Variants in FRMPD4 observed in about 807,000 individuals in gnomAD.
FRMPD4 encodes FERM and PDZ domain-containing protein 4.
Under a neutral mutation model 94.1 loss-of-function variants are expected in FRMPD4, and 22 were observed. The observed-to-expected ratio is 0.23, with a 90% CI of 0.17 to 0.33. The LOEUF (loss-of-function observed/expected upper bound fraction) is 0.33. Ranked by LOEUF, FRMPD4 falls within the 10% of genes least tolerant of loss-of-function variation. The pLI, the probability that FRMPD4 is intolerant of heterozygous loss-of-function variation, is 1.00. For synonymous variants in FRMPD4, 631 were observed against 548.6 expected (o/e 1.15, Z -2.10); for missense variants, 1,111 against 1,339.9 (o/e 0.83, Z 2.67).
At chrX:12,506,026 C>T (rs1333542128) in intron 2 of FRMPD4, among the ~76,000 whole-genome samples, 2 of 111,771 alleles carry the variant, frequency 1.8e-5, no homozygotes, top group East Asian at 2.8e-4. Context: ...GCATGCCCTC[C>T]GGCTGCTCCA....
rs981524814 is a variant in FRMPD4 at position 12,717,350 on chromosome X, T to C, written c.2675-151T>C. The C allele has an allele frequency of 1.3e-5, 5 of 384,575 alleles. No homozygotes were observed. In the African/African-American group the frequency reaches 1.3e-4, roughly 10 times the overall value. The allele number at this position is 384,575 out of a possible 1,213,427, so 31.7% of individuals were successfully genotyped here. A position where few individuals can be genotyped will look rare whatever the true frequency, so the allele number is the denominator to read the frequency against. On this transcript the variant is annotated intron_variant, in intron 15 of 16. Transcript: ENST00000675598. ...TAAGGCACATCTCCCCCCACCCCCA[T>C]TTCTGGAAAAACTGCAATAAACTCA...
chrX:11,934,974 T>C (rs2054144630), intron 3 of FRMPD4, among the ~76,000 whole-genome samples: 1 of 111,277 alleles, frequency 9.0e-6, no homozygotes. Context: ...ATTGATCTTT[T>C]CTTGTGAATG....
intron 2 of FRMPD4, among the ~76,000 whole-genome samples, chrX:11,871,966 G>A (rs1404945470): frequency 8.9e-6 from 1 of 111,927 alleles, no homozygotes; most frequent in African/African-American, 3.2e-5. Flanking sequence ...CTACTGCCTA[G>A]CACAATGCCT....
At chrX:12,702,850 T>C (rs927630775) in intron 10 of FRMPD4, among the ~76,000 whole-genome samples, 2 of 112,056 alleles carry the variant, frequency 1.8e-5, no homozygotes, top group African/African-American at 3.2e-5. Context: ...TTTCTCTCTC[T>C]CCCCACACAT....
At chrX:11,976,919 A>T (rs7059136) in intron 3 of FRMPD4, among the ~76,000 whole-genome samples, 5,956 of 110,796 alleles carry the variant, frequency 0.054, 406 homozygotes, top group African/African-American at 0.18. Context: ...TTCTTTTTTT[A>T]AAAAAAATGC....
chrX:12,462,008 T>C (rs770495066), intron 1 of FRMPD4, among the ~76,000 whole-genome samples: 1 of 111,893 alleles, frequency 8.9e-6, no homozygotes, highest in East Asian at 2.8e-4. Context: ...CCTGTGGCTT[T>C]CTACCTTGCT....
chrX:12,186,595 C>G (rs1234391357), intron 1 of FRMPD4, among the ~76,000 whole-genome samples: 2 of 111,386 alleles, frequency 1.8e-5, no homozygotes, highest in Non-Finnish European at 3.8e-5. Flanking sequence ...ACAGTGACTT[C>G]CTGACAAGAA....
chrX:12,482,280 G>A (rs752942372), intron 1 of FRMPD4, among the ~76,000 whole-genome samples: 4 of 111,791 alleles, frequency 3.6e-5, no homozygotes, highest in Admixed American at 9.5e-5. Context: ...AACCTGATGC[G>A]GAAGAAGAGA....
intron 3 of FRMPD4, among the ~76,000 whole-genome samples, chrX:12,003,567 G>A (rs2054535323): frequency 9.0e-6 from 1 of 111,627 alleles, no homozygotes; most frequent in South Asian, 3.8e-4. Context: ...TACCACACCT[G>A]GCTAATTTTT....
At chrX:12,445,995 G>A (rs2057190041) in intron 1 of FRMPD4, among the ~76,000 whole-genome samples, 1 of 112,300 alleles carries the variant, frequency 8.9e-6, no homozygotes, top group Admixed American at 9.4e-5. Context: ...TTTATCACAA[G>A]GGTTGTTCAA....
At chrX:12,130,972 A>T (rs913729366) in intron 3 of FRMPD4, among the ~76,000 whole-genome samples, 2 of 112,286 alleles carry the variant, frequency 1.8e-5, no homozygotes, top group Admixed American at 9.4e-5. Context: ...ATAGTCTGAA[A>T]ATTATACACT....
chrX:12,636,232 A>T (rs1046456603), intron 4 of FRMPD4, among the ~76,000 whole-genome samples: 1 of 110,138 alleles, frequency 9.1e-6, no homozygotes, highest in Non-Finnish European at 1.9e-5. Context: ...ATATTAAAAG[A>T]CTCTTTTAAT....
At position 11,912,773 on chromosome X, in the gene FRMPD4, T is replaced by C. The variant is rs770605329; in HGVS notation, c.95+34755T>C. Reference sequence around the variant, plus strand: ...TTTCTGATATTTATAGCAGAATAAATGGAATTACAAAAAAAAAAAGAAAAA... The same window carrying C: ...TTTCTGATATTTATAGCAGAATAAACGGAATTACAAAAAAAAAAAGAAAAA... On this transcript the variant is annotated intron_variant, in intron 3 of 18. Transcript: ENST00000640291. Among the ~76,000 whole-genome samples, 5 of 105,513 alleles carry C rather than the reference T, an allele frequency of 4.7e-5. No homozygotes were observed. In the South Asian group the frequency reaches 2.1e-3, roughly 44 times the overall value. 91.6% of individuals were successfully genotyped at this position (105,513 alleles called of 115,157 possible).
intron 4 of FRMPD4, among the ~76,000 whole-genome samples, chrX:12,629,600 A>G (rs2059377451): frequency 8.9e-6 from 1 of 112,546 alleles, no homozygotes; most frequent in Admixed American, 9.4e-5. Context: ...GTAAGAGCAC[A>G]TAGTCAGCTC....
intron 3 of FRMPD4, among the ~76,000 whole-genome samples, chrX:12,047,608 T>C (rs370057419): frequency 8.9e-6 from 1 of 111,784 alleles, no homozygotes; most frequent in African/African-American, 3.3e-5. Context: ...ATCACCCAGA[T>C]AGTGAGCATA....
intron 2 of FRMPD4, among the ~76,000 whole-genome samples, chrX:12,532,060 G>A (rs921150419): frequency 7.1e-5 from 8 of 111,918 alleles, no homozygotes; most frequent in African/African-American, 2.6e-4. Flanking sequence ...AACTTACAGT[G>A]TTTGGAAGGT....
Position 12,314,094 on chromosome X carries a change from C to T in FRMPD4, c.41+175082C>T, listed in dbSNP as rs185382842. Among the ~76,000 whole-genome samples the T allele has an allele frequency of 8.9e-5, 10 of 112,458 alleles. No homozygotes were observed. In the East Asian group the frequency reaches 2.2e-3, roughly 25 times the overall value. ...CAGGGCAAAACACAAGACATTGAAG[C>T]TTATATAGTTCTCATTATCAGAAAA... On this transcript the variant is annotated intron_variant, in intron 1 of 16. Coordinates refer to ENST00000675598, the MANE Select transcript of FRMPD4 (RefSeq NM_001368397.1).
At chrX:12,524,345 A>G (rs901794385) in intron 2 of FRMPD4, among the ~76,000 whole-genome samples, 2 of 111,704 alleles carry the variant, frequency 1.8e-5, no homozygotes, top group South Asian at 3.8e-4. Context: ...ATTATGTGAC[A>G]TTTAGCATGA....
chrX:12,427,851 C>G (rs761920578), intron 1 of FRMPD4, among the ~76,000 whole-genome samples: 2 of 99,980 alleles, frequency 2.0e-5, no homozygotes, highest in Non-Finnish European at 4.1e-5. Context: ...GTATCGTTGA[C>G]TTTTTATTAT....
Sources: allele counts gnomAD v4.1 joint callset (sites outside exome capture counted in the v4.1 genomes callset), GRCh38; gene constraint gnomAD v4.1.1; transcripts MANE v1.5; gene names NCBI Gene and HGNC (gene_info 2026-07-23, HGNC 2026-07-21).